KANK1: variants seen among roughly 807,000 people sequenced by gnomAD.
The protein encoded by KANK1 is KN motif and ankyrin repeat domains 1, also known as KN motif and ankyrin repeat domain-containing protein 1.
A neutral mutation model predicts 106.2 loss-of-function variants in KANK1; 109 were observed. The ratio of observed to expected loss-of-function variants is 1.03; its 90% CI spans 0.88 to 1.20. KANK1 has a LOEUF of 1.20. Among genes scored for constraint, KANK1 ranks in the 50% most tolerant of loss-of-function variants. The pLI is 0.00. For missense variants in KANK1, 2,399 were observed against 1,710.7 expected (o/e 1.40, Z -7.10); for synonymous variants, 873 against 652.2 (o/e 1.34, Z -5.16).
In KANK1 at chr9:733,232, C is replaced by G. The variant is rs937071459; in HGVS notation, c.3245+615C>G. 3.3e-5 allele frequency: 5 copies of G among 152,146 alleles called. No individual in the cohort carries two copies. In the East Asian group the frequency reaches 7.7e-4, roughly 23 times the overall value. 9.4% of individuals were successfully genotyped at this position (152,146 alleles called of 1,614,324 possible). A position where few individuals can be genotyped will look rare whatever the true frequency, so the allele number is the denominator to read the frequency against. Reference sequence around the variant, plus strand: ...AAGACCATTAGATAAGGATTTGATGCTCATAAAATAGAGAGTAGAAAAGGT... The same window carrying G: ...AAGACCATTAGATAAGGATTTGATGGTCATAAAATAGAGAGTAGAAAAGGT... On this transcript the variant is annotated intron_variant, in intron 6 of 11. Transcript: ENST00000382297.
At position 558,054 on chromosome 9, in the gene KANK1, C is replaced by G. The variant is rs144947244; in HGVS notation, c.-84+53300C>G. Among the ~76,000 whole-genome samples, 324 of 152,138 alleles carry G rather than the reference C, an allele frequency of 2.1e-3. 2 individuals carry two copies. The highest frequency in any genetic ancestry group is 7.3e-3 in the African/African-American group (303 of 41,492). ...AACAATGGTAGGAATGTCAAGGAAC[C>G]CAGGAGTGAAGATCGGATTAGTCAG... On this transcript the variant is annotated intron_variant, in intron 1 of 11. Transcript: ENST00000382297.
intron 1 of KANK1, among the ~76,000 whole-genome samples, chr9:668,444 T>C (rs1047346860): frequency 5.3e-5 from 8 of 152,132 alleles, no homozygotes; most frequent in African/African-American, 1.9e-4. Context: ...AAGATTTCTG[T>C]TTGATTTTTT....
At chr9:484,587 G>T (rs2058259710) in intron 3 of KANK1, 1 of 152,198 alleles carries the variant, frequency 6.6e-6, no homozygotes, top group Admixed American at 6.5e-5. Context: ...TGAAGCCACA[G>T]TCAAAAGCAT....
At chr9:525,526 T>G (rs1265284364) in intron 1 of KANK1, among the ~76,000 whole-genome samples, 1 of 151,258 alleles carries the variant, frequency 6.6e-6, no homozygotes, top group African/African-American at 2.5e-5. Flanking sequence ...ATTGCTGGGA[T>G]GCGCCGCCAT....
intron 3 of KANK1, among the ~76,000 whole-genome samples, chr9:489,804 T>G (rs940218152): frequency 6.6e-6 from 1 of 152,232 alleles, no homozygotes; most frequent in Non-Finnish European, 1.5e-5. Flanking sequence ...TTATTGGCAA[T>G]ACTGTTTACT....
chr9:521,877 T>C (rs1424021859), intron 1 of KANK1, among the ~76,000 whole-genome samples: 1 of 151,666 alleles, frequency 6.6e-6, no homozygotes. Context: ...TCAGATTCTT[T>C]TATTGAATGA....
At chr9:734,711 C>T (rs1368080492) in intron 6 of KANK1, 37 bp from the exon 7 acceptor site, 7 of 1,410,546 alleles carry the variant, frequency 5.0e-6, no homozygotes, top group African/African-American at 2.8e-5. Flanking sequence ...TGATTTTCTT[C>T]TTGTGACCAA....
At chr9:602,328 T>C (rs910521168) in intron 1 of KANK1, among the ~76,000 whole-genome samples, 1 of 151,742 alleles carries the variant, frequency 6.6e-6, no homozygotes, top group Admixed American at 6.6e-5. Context: ...GGTGTGGTCT[T>C]GGCTCACTGC....
At chr9:585,672 T>G (rs1823277680) in intron 1 of KANK1, among the ~76,000 whole-genome samples, 1 of 152,184 alleles carries the variant, frequency 6.6e-6, no homozygotes, top group African/African-American at 2.4e-5. Context: ...ACAATAATGT[T>G]AAGGCATTGT....
At chr9:571,516 C>G (rs1016762185) in intron 1 of KANK1, among the ~76,000 whole-genome samples, 78 of 151,642 alleles carry the variant, frequency 5.1e-4, no homozygotes, top group African/African-American at 1.8e-3. Flanking sequence ...AGGTAGATTA[C>G]TTTTTTCTTT....
intron 1 of KANK1, among the ~76,000 whole-genome samples, chr9:586,600 G>A (rs1454543935): frequency 1.3e-5 from 2 of 152,176 alleles, no homozygotes; most frequent in Non-Finnish European, 2.9e-5. Context: ...GAAAAGCCAT[G>A]TGTGTGTTAT....
chr9:711,894 C>T lies in KANK1; in HGVS notation c.1128C>T (p.Ala376=). ...GGCAACTTACAGCAGACATGCAAGC[C>T]CTGGAGCAGAAGATCCAGGACAGCA... ...EFRQLTADMQ[A]LEQKIQDSSC... is the part of the protein sequence containing the mutation. Residue 376 remains alanine, a synonymous_variant, in exon 3 of 12, where the codon GCC becomes GCT. Coordinates refer to ENST00000382297, the MANE Select transcript of KANK1 (RefSeq NM_015158.5). The T allele has an allele frequency of 1.2e-6, 2 of 1,614,118 alleles. No individual in the cohort carries two copies. Among genetic ancestry groups the T allele is most frequent in the South Asian group, 2.2e-5 (2 of 91,076 alleles).
chr9:505,557 C>T (rs2058714971), intron 1 of KANK1, among the ~76,000 whole-genome samples: 1 of 152,242 alleles, frequency 6.6e-6, no homozygotes, highest in African/African-American at 2.4e-5. Context: ...CGTTCATCTC[C>T]TTCACCCGGG....
In KANK1 at chr9:712,524, G is replaced by A; in HGVS notation, c.1758G>A (p.Val586=). The change falls in exon 3 of 12, where the codon GTG becomes GTA. Residue 586 remains valine, a synonymous_variant. Transcript: ENST00000382297. Reference sequence around the variant, plus strand: ...ATGACCGATGTGCTGGGAGGTCTGTGGAAATGTGTGACAAGAGTGTGAGTG... The same window carrying A: ...ATGACCGATGTGCTGGGAGGTCTGTAGAAATGTGTGACAAGAGTGTGAGTG... ...EMHDRCAGRS[V]EMCDKSVSVE... 6.2e-7 allele frequency: 1 copy of A among 1,614,180 alleles called. No individual in the cohort carries two copies. Among genetic ancestry groups the A allele is most frequent in the East Asian group, 2.2e-5 (1 of 44,882 alleles).
chr9:531,301 C>T (rs942941074), intron 1 of KANK1, among the ~76,000 whole-genome samples: 2 of 151,954 alleles, frequency 1.3e-5, no homozygotes, highest in African/African-American at 4.8e-5. Context: ...TGTGGTGGTG[C>T]GTGCCTATAG....
chr9:516,998 TACACAC>T (rs148954863), intron 1 of KANK1, among the ~76,000 whole-genome samples: 8 of 145,478 alleles, frequency 5.5e-5, no homozygotes, highest in East Asian at 2.0e-4. Flanking sequence ...CATCACCCTC[TACACAC>T]ACACACACAC....
chr9:740,682 G>A (rs929439119), intron 8 of KANK1, 110 bp from the exon 9 acceptor site: 1 of 1,205,236 alleles, frequency 8.3e-7, no homozygotes, highest in Non-Finnish European at 1.2e-6. Flanking sequence ...CCAGCCACCT[G>A]GTACCATTTC....
intron 1 of KANK1, among the ~76,000 whole-genome samples, chr9:596,534 G>C (rs548879397): frequency 6.6e-6 from 1 of 151,632 alleles, no homozygotes; most frequent in African/African-American, 2.4e-5. Context: ...CCCTGGTTTT[G>C]AGTAGGTTTC....
intron 3 of KANK1, among the ~76,000 whole-genome samples, chr9:498,155 T>C (rs1245178516): frequency 6.6e-6 from 1 of 152,196 alleles, no homozygotes; most frequent in Non-Finnish European, 1.5e-5. Flanking sequence ...TAGGTATTAC[T>C]GCCATTTTAC....
Sources: gnomAD v4.1 joint callset for allele counts (sites outside exome capture counted in the v4.1 genomes callset) on GRCh38, gnomAD v4.1.1 for gene constraint, MANE v1.5 for transcripts, NCBI Gene and HGNC (gene_info 2026-07-23, HGNC 2026-07-21) for gene names.